The following KCTD16 variants were observed in gnomAD, a reference collection of about 807,000 sequenced individuals.
The protein encoded by KCTD16 is BTB/POZ domain-containing protein KCTD16.
Under a neutral mutation model 33.2 loss-of-function variants are expected in KCTD16, and 13 were observed. That is an observed-to-expected ratio of 0.39 (90% CI 0.25 to 0.62). The LOEUF (loss-of-function observed/expected upper bound fraction) is 0.62. KCTD16 is among the 20% of genes least tolerant of loss of function. The pLI is 0.50. For missense variants in KCTD16, 441 were observed against 525.1 expected (o/e 0.84, Z 1.57); for synonymous variants, 197 against 195.3 (o/e 1.01, Z -0.07).
chr5:144,293,534 G>A (rs1755953932), intron 3 of KCTD16, among the ~76,000 whole-genome samples: 1 of 152,020 alleles, frequency 6.6e-6, no homozygotes, highest in Non-Finnish European at 1.5e-5. Context: ...CATATCCATT[G>A]CTGAAATTCT....
Position 144,476,749 on chromosome 5 carries a change from C to T in KCTD16, c.*2635C>T, listed in dbSNP as rs1754603604. The T allele has an allele frequency of 6.6e-6, 1 of 152,070 alleles. No individual in the cohort carries two copies. Among genetic ancestry groups the T allele is most frequent in the African/African-American group, 2.4e-5 (1 of 41,394 alleles). 9.4% of individuals were successfully genotyped at this position (152,070 alleles called of 1,614,324 possible). ...AGTTATCAAGTGAGGTCCAGGTAGC[C>T]TGCAACACTGGAAATGAGTTCTGGG... is the stretch of plus-strand genomic sequence containing the variant. On this transcript the variant is annotated 3_prime_UTR_variant, in exon 4 of 4. Transcript: ENST00000512467.
In KCTD16 at chr5:144,475,403, A is replaced by G. The variant is rs1754572938; in HGVS notation, c.*1289A>G. 1 of 152,228 alleles carries G rather than the reference A, an allele frequency of 6.6e-6. No individual in the cohort carries two copies. Among genetic ancestry groups the G allele is most frequent in the Non-Finnish European group, 1.5e-5 (1 of 68,044 alleles). The allele number at this position is 152,228 out of a possible 1,614,324, so 9.4% of individuals were successfully genotyped here. On this transcript the variant is annotated 3_prime_UTR_variant, in exon 4 of 4. Transcript: ENST00000512467. The stretch of plus-strand genomic sequence containing the variant: ...CAAGGTAACTGAAGCTCCAGAGTTA[A>G]GGTTTCAGATTTCTAAATGAAACTA...
At chr5:144,423,755 C>T (rs529065258) in intron 3 of KCTD16, among the ~76,000 whole-genome samples, 4 of 152,152 alleles carry the variant, frequency 2.6e-5, no homozygotes, top group Non-Finnish European at 5.9e-5. Flanking sequence ...ATTAAATGAA[C>T]AGGATTCACT....
intron 3 of KCTD16, among the ~76,000 whole-genome samples, chr5:144,228,175 G>A (rs115973929): frequency 1.2e-4 from 19 of 152,260 alleles, no homozygotes; most frequent in East Asian, 3.9e-4. Context: ...GAGTAGGTCC[G>A]AGAATGGAGG....
At chr5:144,305,184 CT>C (rs1156840868) in intron 3 of KCTD16, among the ~76,000 whole-genome samples, 1 of 151,874 alleles carries the variant, frequency 6.6e-6, no homozygotes, top group African/African-American at 2.4e-5. Context: ...TCTGTTATAT[CT>C]TTTTTAGAGT....
intron 3 of KCTD16, among the ~76,000 whole-genome samples, chr5:144,284,307 A>G (rs1302818149): frequency 2.0e-5 from 3 of 152,210 alleles, no homozygotes; most frequent in African/African-American, 4.8e-5. Flanking sequence ...TCCTGCAGGC[A>G]TAGGAAGAGA....
intron 3 of KCTD16, among the ~76,000 whole-genome samples, chr5:144,231,340 T>C (rs1449036977): frequency 6.6e-6 from 1 of 152,140 alleles, no homozygotes; most frequent in African/African-American, 2.4e-5. Flanking sequence ...TCAAGTATGC[T>C]CTAAGCACTT....
At chr5:144,247,133 C>G (rs1194580434) in intron 3 of KCTD16, among the ~76,000 whole-genome samples, 1 of 152,208 alleles carries the variant, frequency 6.6e-6, no homozygotes, top group African/African-American at 2.4e-5. Context: ...CCCATACACT[C>G]TTTTACATGA....
intron 3 of KCTD16, among the ~76,000 whole-genome samples, chr5:144,427,801 C>G (rs1407264684): frequency 6.6e-6 from 1 of 152,012 alleles, no homozygotes; most frequent in East Asian, 1.9e-4. Flanking sequence ...ATAACATAGA[C>G]TTTGAAATTA....
chr5:144,210,033 A>G (rs959254190), intron 3 of KCTD16, among the ~76,000 whole-genome samples: 3 of 151,686 alleles, frequency 2.0e-5, no homozygotes, highest in African/African-American at 4.8e-5. Context: ...GTAAAAAATA[A>G]ACAGCAAGAA....
intron 3 of KCTD16, among the ~76,000 whole-genome samples, chr5:144,285,104 CA>C (rs1027687693): frequency 1.9e-4 from 29 of 152,274 alleles, no homozygotes; most frequent in Admixed American, 1.4e-3. Flanking sequence ...GGCAAGAAGT[CA>C]TATAAGATTG....
intron 3 of KCTD16, among the ~76,000 whole-genome samples, chr5:144,266,683 G>T (rs535185582): frequency 6.6e-6 from 1 of 152,240 alleles, no homozygotes; most frequent in South Asian, 2.1e-4. Flanking sequence ...TGAGTTTGTT[G>T]TAATTGCCCA....
At chr5:144,421,911 C>G (rs758083879) in intron 3 of KCTD16, among the ~76,000 whole-genome samples, 1 of 152,034 alleles carries the variant, frequency 6.6e-6, no homozygotes, top group Non-Finnish European at 1.5e-5. Flanking sequence ...GTCATCTTAC[C>G]TTATTTGTAC....
intron 3 of KCTD16, among the ~76,000 whole-genome samples, chr5:144,467,721 A>G (rs535392007): frequency 3.9e-5 from 6 of 152,084 alleles, no homozygotes; most frequent in African/African-American, 1.4e-4. Flanking sequence ...TGTTTGTTTT[A>G]ATTTTCATTT....
rs962548994 is a variant in KCTD16, at chr5:144,483,025, A to G, written c.*8911A>G. The G allele has an allele frequency of 6.6e-6, 1 of 151,578 alleles. No individual in the cohort carries two copies. The highest frequency in any genetic ancestry group is 2.4e-5 in the African/African-American group (1 of 41,312). The allele number at this position is 151,578 out of a possible 1,614,324, so 9.4% of individuals were successfully genotyped here. A position where few individuals can be genotyped will look rare whatever the true frequency, so the allele number is the denominator to read the frequency against. The stretch of plus-strand genomic sequence containing the variant: ...AAATATTTAGATTTAATATCTATGA[A>G]TAATAAACCAAAAAAAGTGCATTTA... On this transcript the variant is annotated 3_prime_UTR_variant, in exon 4 of 4. Coordinates refer to ENST00000512467, the MANE Select transcript of KCTD16 (RefSeq NM_020768.4).
At chr5:144,185,230 T>A (rs1196617630) in intron 2 of KCTD16, among the ~76,000 whole-genome samples, 1 of 152,160 alleles carries the variant, frequency 6.6e-6, no homozygotes, top group Non-Finnish European at 1.5e-5. Flanking sequence ...ACCACAACAT[T>A]ATTTTGCCTC....
At chr5:144,404,912 T>C (rs1369611950) in intron 3 of KCTD16, among the ~76,000 whole-genome samples, 1 of 152,216 alleles carries the variant, frequency 6.6e-6, no homozygotes, top group Non-Finnish European at 1.5e-5. Context: ...CTATCTGTGA[T>C]GTCAGACTTT....
At chr5:144,235,819 A>G (rs979673883) in intron 3 of KCTD16, among the ~76,000 whole-genome samples, 1 of 152,058 alleles carries the variant, frequency 6.6e-6, no homozygotes, top group Non-Finnish European at 1.5e-5. Context: ...TTAATAACTG[A>G]TTCTTGCTTT....
At position 144,485,008 on chromosome 5, in the gene KCTD16, A is replaced by G. The variant is rs1561626715; in HGVS notation, c.*10894A>G. ...TGGACTCACATGAATGCATGTCTACATGTCGTCAGTTCTCAGCAGCTCAGT... is the reference window on the plus strand; with the variant it reads ...TGGACTCACATGAATGCATGTCTACGTGTCGTCAGTTCTCAGCAGCTCAGT... On this transcript the variant is annotated 3_prime_UTR_variant, in exon 4 of 4. Transcript: ENST00000512467. 1.3e-5 allele frequency: 2 copies of G among 151,916 alleles called. No homozygotes were observed. Among genetic ancestry groups the G allele is most frequent in the Non-Finnish European group, 2.9e-5 (2 of 67,922 alleles). 9.4% of individuals were successfully genotyped at this position (151,916 alleles called of 1,614,324 possible).
Sources: gnomAD v4.1 joint callset for allele counts (sites outside exome capture counted in the v4.1 genomes callset) on GRCh38, gnomAD v4.1.1 for gene constraint, MANE v1.5 for transcripts, NCBI Gene and HGNC (gene_info 2026-07-23, HGNC 2026-07-21) for gene names.